Variants in OIT3 observed in about 807,000 individuals in gnomAD.
The protein encoded by OIT3 is oncoprotein-induced transcript 3 protein.
OIT3 carries 41 observed loss-of-function variants against 52.2 expected under a neutral mutation model. That is an observed-to-expected ratio of 0.79 (90% confidence interval 0.61 to 1.02). The LOEUF (loss-of-function observed/expected upper bound fraction) is 1.02, where lower values mean the gene tolerates loss of function less well. Ranked by LOEUF, OIT3 falls within the 50% of genes least tolerant of loss-of-function variation. The probability of loss-of-function intolerance (pLI) is 0.00; values close to 1 mark genes in which losing one functional copy is unlikely to be tolerated. For missense variants in OIT3, 634 were observed against 715.5 expected (o/e 0.89, Z 1.30); for synonymous variants, 244 against 276.9 (o/e 0.88, Z 1.18).
At chr10:72,927,810 T>C (rs958198109) in intron 7 of OIT3, among the ~76,000 whole-genome samples, 8 of 152,158 alleles carry the variant, frequency 5.3e-5, no homozygotes, top group Non-Finnish European at 8.8e-5. Context: ...CTTCCCCGCC[T>C]TTTCTTCCTG....
chr10:72,932,505 G>A lies in OIT3; in HGVS notation c.1619G>A (p.Arg540His), dbSNP rs199897742. 1.1e-4 allele frequency: 182 copies of A among 1,607,714 alleles called. No individual in the cohort carries two copies. Among genetic ancestry groups the A allele is most frequent in the Non-Finnish European group, 1.4e-4 (168 of 1,176,838 alleles). ...CAGACGCTAACAGGCGGCCCGATCC[G>A]CATCGACTGGGAGGACTAGTTCGTA... ...QGQTLTGGPIRIDWED is the reference protein window; with the variant it reads ...QGQTLTGGPIHIDWED Residue 540 changes from arginine to histidine, a missense_variant, in exon 9 of 9, where the codon CGC becomes CAC. By Grantham distance (29) the Arg-to-His change is conservative. Coordinates refer to ENST00000334011, the MANE Select transcript of OIT3 (RefSeq NM_152635.3).
chr10:72,909,386 C>G (rs1421305595), intron 4 of OIT3, among the ~76,000 whole-genome samples: 1 of 151,712 alleles, frequency 6.6e-6, no homozygotes, highest in African/African-American at 2.4e-5. Context: ...TCCCAAAGTG[C>G]TGGGGTTACA....
chr10:72,927,745 C>A (rs897127579), intron 7 of OIT3, among the ~76,000 whole-genome samples: 1 of 152,170 alleles, frequency 6.6e-6, no homozygotes, highest in Non-Finnish European at 1.5e-5. Context: ...CCCAAACTGT[C>A]ACTCCTGAAC....
chr10:72,904,057 G>A (rs540561416), intron 3 of OIT3, among the ~76,000 whole-genome samples: 7 of 152,068 alleles, frequency 4.6e-5, no homozygotes, highest in Non-Finnish European at 1.0e-4. Context: ...TGACCTAACC[G>A]GTTATGTTAT....
intron 6 of OIT3, chr10:72,918,645 TA>T (rs2132942782): frequency 1.6e-6 from 1 of 640,278 alleles, no homozygotes; most frequent in East Asian, 2.7e-5. Flanking sequence ...CTTAAGTTTT[TA>T]ACCCATCTTG....
At chr10:72,911,884 T>A (rs1359010981) in intron 5 of OIT3, 45 bp downstream of exon 5, 11 of 1,554,504 alleles carry the variant, frequency 7.1e-6, no homozygotes, top group Non-Finnish European at 9.6e-6. Flanking sequence ...TGATTACACT[T>A]CTTCCTCTCC....
intron 6 of OIT3, 85 bp downstream of exon 6, chr10:72,913,553 G>T (rs1589525682): frequency 9.3e-7 from 1 of 1,072,216 alleles, no homozygotes. Flanking sequence ...CATGTGGCTT[G>T]TGTCATCGAT....
At chr10:72,921,442 G>A (rs1846120545) in intron 6 of OIT3, among the ~76,000 whole-genome samples, 1 of 152,072 alleles carries the variant, frequency 6.6e-6, no homozygotes, top group South Asian at 2.1e-4. Flanking sequence ...ATTGTTACGT[G>A]TGGATTTGAT....
At chr10:72,929,607 A>G (rs1198737423) in intron 7 of OIT3, among the ~76,000 whole-genome samples, 1 of 149,908 alleles carries the variant, frequency 6.7e-6, no homozygotes, top group East Asian at 2.0e-4. Flanking sequence ...AGGTCTTGCT[A>G]TGTTGCCCAG....
chr10:72,926,045 C>A (rs918025279), intron 7 of OIT3, among the ~76,000 whole-genome samples: 5 of 152,254 alleles, frequency 3.3e-5, no homozygotes, highest in Non-Finnish European at 7.3e-5. Flanking sequence ...AAATTACACT[C>A]AAACCCAAAT....
At position 72,932,761 on chromosome 10, in the gene OIT3, C is replaced by A; in HGVS notation, c.*237C>A. 1 of 421,058 alleles carries A rather than the reference C, an allele frequency of 2.4e-6. No homozygotes were observed. The allele number at this position is 421,058 out of a possible 1,614,324, so 26.1% of individuals were successfully genotyped here. ...TTCTAGGGTTGAAAACTAAACTGTC[C>A]ACCCAGAAAGACACTCACCCCATTT... On this transcript the variant is annotated 3_prime_UTR_variant, in exon 9 of 9. Coordinates refer to ENST00000334011, the MANE Select transcript of OIT3 (RefSeq NM_152635.3).
At chr10:72,908,261 T>G (rs1313152614) in intron 4 of OIT3, among the ~76,000 whole-genome samples, 1 of 151,944 alleles carries the variant, frequency 6.6e-6, no homozygotes, top group Non-Finnish European at 1.5e-5. Context: ...ATCCCATCAC[T>G]TCTACTTTAA....
intron 4 of OIT3, among the ~76,000 whole-genome samples, chr10:72,910,629 C>T (rs1451498972): frequency 2.0e-5 from 3 of 152,208 alleles, no homozygotes; most frequent in African/African-American, 4.8e-5. Context: ...TTCCAAATAA[C>T]TGCTTTTTAA....
chr10:72,917,690 C>T, intron 6 of OIT3: 1 of 927,936 alleles, frequency 1.1e-6, no homozygotes, highest in Non-Finnish European at 1.8e-6. Context: ...GGTCAGTCAT[C>T]CGGAAGCAAT....
intron 6 of OIT3, among the ~76,000 whole-genome samples, chr10:72,919,347 G>C (rs1321357547): frequency 6.6e-6 from 1 of 152,136 alleles, no homozygotes; most frequent in Non-Finnish European, 1.5e-5. Flanking sequence ...GAAGCTTTTG[G>C]GCTGAGATGA....
intron 3 of OIT3, among the ~76,000 whole-genome samples, chr10:72,903,977 G>T (rs1405280784): frequency 1.3e-5 from 2 of 152,112 alleles, no homozygotes; most frequent in Non-Finnish European, 2.9e-5. Flanking sequence ...AGAACTAAAA[G>T]ACAGAAATGA....
At chr10:72,918,567 G>A in intron 6 of OIT3, 2 of 975,530 alleles carry the variant, frequency 2.1e-6, no homozygotes, top group Non-Finnish European at 3.3e-6. Context: ...TGGGAGAGAA[G>A]GCGGATGGAG....
intron 3 of OIT3, among the ~76,000 whole-genome samples, chr10:72,901,167 G>A (rs11598019): frequency 9.9e-5 from 15 of 151,652 alleles, no homozygotes; most frequent in Non-Finnish European, 1.3e-4. Flanking sequence ...AATTAATTTC[G>A]CCAGTTTATT....
At chr10:72,898,623 G>A (rs770557455) in intron 1 of OIT3, 41 bp from the exon 2 acceptor site, 11 of 1,554,096 alleles carry the variant, frequency 7.1e-6, no homozygotes, top group South Asian at 4.8e-5. Context: ...GGTGTGATCC[G>A]AAACACTCCA....
Sources: gnomAD v4.1 joint callset for allele counts (sites outside exome capture counted in the v4.1 genomes callset) on GRCh38, gnomAD v4.1.1 for gene constraint, MANE v1.5 for transcripts, NCBI Gene and HGNC (gene_info 2026-07-23, HGNC 2026-07-21) for gene names.